The following PROM1 variants were observed in gnomAD, a reference collection of about 807,000 sequenced individuals.
The protein encoded by PROM1 is prominin-1.
PROM1 carries 105 observed loss-of-function variants against 116.9 expected under a neutral mutation model. The observed-to-expected ratio is 0.90, with a 90% CI of 0.77 to 1.06. PROM1 has a LOEUF of 1.06. Ranked by LOEUF, PROM1 falls within the 50% of genes least tolerant of loss-of-function variation. PROM1 has a pLI of 0.00. For synonymous variants in PROM1, 393 were observed against 387.0 expected (o/e 1.02, Z -0.18); for missense variants, 1,122 against 1,045.2 (o/e 1.07, Z -1.01).
intron 3 of PROM1, among the ~76,000 whole-genome samples, chr4:16,036,800 C>T (rs1734041623): frequency 1.3e-5 from 2 of 152,218 alleles, no homozygotes. Flanking sequence ...AAGCCCTCCT[C>T]TAGATGTGGC....
intron 2 of PROM1, among the ~76,000 whole-genome samples, chr4:16,064,933 T>C (rs531719076): frequency 6.6e-6 from 1 of 152,270 alleles, no homozygotes; most frequent in South Asian, 2.1e-4. Context: ...TTGAGTTAAG[T>C]GTGGGATGGG....
At chr4:15,973,570 A>C (rs1284887748) in intron 26 of PROM1, among the ~76,000 whole-genome samples, 1 of 152,198 alleles carries the variant, frequency 6.6e-6, no homozygotes, top group Non-Finnish European at 1.5e-5. Flanking sequence ...TTTTCTCCAC[A>C]TTGTTTGCTA....
chr4:16,050,058 C>T (rs994606654), intron 2 of PROM1, among the ~76,000 whole-genome samples: 2 of 151,784 alleles, frequency 1.3e-5, no homozygotes, highest in East Asian at 1.9e-4. Context: ...GTCAGGAGTT[C>T]GAGACCAGCC....
chr4:16,002,512 C>T (rs1312488342), intron 13 of PROM1, among the ~76,000 whole-genome samples: 1 of 152,126 alleles, frequency 6.6e-6, no homozygotes, highest in Non-Finnish European at 1.5e-5. Flanking sequence ...CCTAAGGGCA[C>T]GATTCTCCCC....
intron 13 of PROM1, 56 bp from the exon 14 acceptor site, chr4:16,000,675 T>G (rs546274662): frequency 1.9e-5 from 26 of 1,391,028 alleles, no homozygotes; most frequent in Non-Finnish European, 2.4e-5. Context: ...TATTACCTAC[T>G]GATACTTACT....
intron 5 of PROM1, among the ~76,000 whole-genome samples, chr4:16,032,253 C>T (rs1732890890): frequency 6.6e-6 from 1 of 152,052 alleles, no homozygotes; most frequent in Non-Finnish European, 1.5e-5. Context: ...CAGAGCTGCC[C>T]AGTCCTCTTC....
intron 2 of PROM1, 54 bp downstream of exon 2, chr4:16,075,633 T>C: frequency 1.3e-6 from 2 of 1,490,594 alleles, no homozygotes; most frequent in Non-Finnish European, 1.8e-6. Flanking sequence ...TAAAAAACAA[T>C]ATTGTGGGTG....
At chr4:16,060,568 A>G (rs1366654943) in intron 2 of PROM1, among the ~76,000 whole-genome samples, 3 of 152,128 alleles carry the variant, frequency 2.0e-5, no homozygotes, top group African/African-American at 4.8e-5. Context: ...CCTTTTGAAA[A>G]AAAAATATGT....
At chr4:16,056,046 A>G (rs1738925315) in intron 2 of PROM1, among the ~76,000 whole-genome samples, 1 of 152,058 alleles carries the variant, frequency 6.6e-6, no homozygotes, top group South Asian at 2.1e-4. Flanking sequence ...GAGATTTGAG[A>G]AGAGAAGAGG....
At chr4:16,010,063 T>G (rs1726528256) in intron 11 of PROM1, among the ~76,000 whole-genome samples, 3 of 152,108 alleles carry the variant, frequency 2.0e-5, no homozygotes, top group Admixed American at 6.6e-5. Context: ...TTTACCTGAC[T>G]GATACAAATT....
In PROM1 at chr4:15,980,542, G is replaced by GGA. The variant is rs1717558920; in HGVS notation, c.2374-6_2374-5insTC. The GGA allele has an allele frequency of 1.6e-4, 228 of 1,460,878 alleles. No individual in the cohort carries two copies. Among genetic ancestry groups the GGA allele is most frequent in the East Asian group, 2.3e-4 (9 of 38,844 alleles). The allele number at this position is 1,460,878 out of a possible 1,614,324, so 90.5% of individuals were successfully genotyped here. On this transcript the variant is annotated splice_polypyrimidine_tract_variant and splice_region_variant and intron_variant, in intron 23 of 27. Coordinates refer to ENST00000447510, the MANE Select transcript of PROM1 (RefSeq NM_006017.3). ...TATGCCAAACCAAAACAAATTCTAGGAAAAAAAAATCAGAAGAATTAAATG... is the reference window on the plus strand; with the variant it reads ...TATGCCAAACCAAAACAAATTCTAGGGAAAAAAAAAATCAGAAGAATTAAATG...
chr4:16,064,378 CGT>C (rs1400791184), intron 2 of PROM1, among the ~76,000 whole-genome samples: 1 of 152,108 alleles, frequency 6.6e-6, no homozygotes. Flanking sequence ...GAGTATATAT[CGT>C]GTGATCCCAC....
intron 18 of PROM1, among the ~76,000 whole-genome samples, chr4:15,990,988 T>C (rs1037662270): frequency 2.0e-5 from 3 of 152,182 alleles, no homozygotes; most frequent in Non-Finnish European, 4.4e-5. Flanking sequence ...ATAAAGCAGG[T>C]TTCACCTGCC....
intron 2 of PROM1, among the ~76,000 whole-genome samples, chr4:16,057,117 T>G (rs1462046329): frequency 6.6e-6 from 1 of 152,258 alleles, no homozygotes; most frequent in African/African-American, 2.4e-5. Context: ...ACAAGTTATA[T>G]TTGGAATGGC....
At chr4:15,992,147 A>G in intron 17 of PROM1, 101 bp downstream of exon 17, 1 of 1,462,102 alleles carries the variant, frequency 6.8e-7, no homozygotes, top group Admixed American at 1.9e-5. Context: ...GTCTTACATC[A>G]TGTGAATCTC....
intron 11 of PROM1, among the ~76,000 whole-genome samples, chr4:16,009,610 GA>G (rs889222879): frequency 1.8e-4 from 28 of 152,132 alleles, no homozygotes; most frequent in African/African-American, 6.7e-4. Flanking sequence ...ATGCTTTTGG[GA>G]AAATAAATAA....
At chr4:16,080,292 G>A (rs901939151) in intron 1 of PROM1, among the ~76,000 whole-genome samples, 1 of 151,844 alleles carries the variant, frequency 6.6e-6, no homozygotes, top group African/African-American at 2.4e-5. Flanking sequence ...AGGCCGAGGC[G>A]GGCGGATCAC....
chr4:16,033,443 G>T lies in PROM1; in HGVS notation c.370C>A (p.Pro124Thr). 6.2e-7 allele frequency: 1 copy of T among 1,613,488 alleles called. No homozygotes were observed. Among genetic ancestry groups the T allele is most frequent in the Non-Finnish European group, 8.5e-7 (1 of 1,179,654 alleles). The change falls in exon 5 of 28, where the codon CCT becomes ACT. Residue 124 changes from proline (P) to threonine (T), a missense_variant. Physicochemically the swap from Pro to Thr is conservative, Grantham distance 38. Transcript: ENST00000447510. ...VLGLLFIILM[P>T]LVGYFFCMCR... ...ATACAAAAGAAATACCCCACCAGAG[G>T]CATCAGAATAATAAACAGCAGCCCC...
chr4:16,065,174 C>G (rs1741232177), intron 2 of PROM1, among the ~76,000 whole-genome samples: 1 of 152,094 alleles, frequency 6.6e-6, no homozygotes, highest in Non-Finnish European at 1.5e-5. Flanking sequence ...TCTGCAGCAC[C>G]CTGACGGCAT....
Sources: gnomAD v4.1 joint callset for allele counts (sites outside exome capture counted in the v4.1 genomes callset) on GRCh38, gnomAD v4.1.1 for gene constraint, MANE v1.5 for transcripts, NCBI Gene and HGNC (gene_info 2026-07-23, HGNC 2026-07-21) for gene names.